ZNF584: variants seen among roughly 807,000 people sequenced by gnomAD.
The protein encoded by ZNF584 is zinc finger protein 584.
Under a neutral mutation model 14.7 loss-of-function variants are expected in ZNF584, and 12 were observed. The observed-to-expected ratio is 0.82, with a 90% CI of 0.52 to 1.32. ZNF584 has a LOEUF of 1.32. Ranked by LOEUF, ZNF584 falls within the 40% of genes most tolerant of loss-of-function variation. The pLI is 0.00. For synonymous variants in ZNF584, 204 were observed against 190.9 expected (o/e 1.07, Z -0.57); for missense variants, 478 against 518.8 (o/e 0.92, Z 0.76).
chr19:58,404,991 G>A (rs1402349179), upstream of ZNF584: 2 of 152,228 alleles, frequency 1.3e-5, no homozygotes, highest in Non-Finnish European at 2.9e-5. Flanking sequence ...GCCAGGCGGG[G>A]GGCTGACCCC....
chr19:58,405,947 C>T (rs77434564), upstream of ZNF584: 6 of 179,794 alleles, frequency 3.3e-5, no homozygotes, highest in African/African-American at 7.2e-5. Flanking sequence ...ACGGGGTGGC[C>T]GCCGGGCAGA....
upstream of ZNF584, among the ~76,000 whole-genome samples, chr19:58,404,007 G>C (rs1288339865): frequency 6.6e-6 from 1 of 150,622 alleles, no homozygotes; most frequent in African/African-American, 2.4e-5. Flanking sequence ...CAATGAAGTA[G>C]TGCCAGGAAA....
rs772783556 is a variant in ZNF584, at chr19:58,416,904, A to C, written c.386A>C (p.Lys129Thr). The stretch of plus-strand genomic sequence containing the variant: ...CACCAGGACACTCATAGTGAGGGGA[A>C]ACCAAGAAGGCACACTGAGCATGGG... ...IQHQDTHSEG[K>T]PRRHTEHGAA... is the part of the protein sequence containing the mutation. The change falls in exon 4 of 4, where the codon AAA becomes ACA. Residue 129 changes from lysine (K) to threonine (T), a missense_variant. This residue lies in a region of ZNF584 where 189 missense variants were observed against 177.9 expected (regional missense o/e 1.06). Transcript: ENST00000306910. 15 of 1,612,252 alleles carry C rather than the reference A, an allele frequency of 9.3e-6. No individual in the cohort carries two copies. The African/African-American group carries it at 1.9e-4, about 20-fold the overall frequency.
rs748054770 is a variant in ZNF584 at position 58,417,110 on chromosome 19, A to G, written c.592A>G (p.Lys198Glu). 1.9e-6 allele frequency: 3 copies of G among 1,613,900 alleles called. No homozygotes were observed. Among genetic ancestry groups the G allele is most frequent in the African/African-American group, 2.7e-5 (2 of 74,938 alleles). ...CCCAACAGGCAGAAGTGCTTTCAAG[A>G]AGTCAGCTCATATTAACCCCCGAAA... is the stretch of plus-strand genomic sequence containing the variant. ...RCPTGRSAFK[K>E]SAHINPRKIH... The change falls in exon 4 of 4, where the codon AAG becomes GAG. Residue 198 changes from lysine to glutamate, a missense_variant. Around this residue, in one of 3 missense-constraint regions of ZNF584, gnomAD observed 283 missense variants for 317.3 expected, o/e 0.89. Coordinates refer to ENST00000306910, the MANE Select transcript of ZNF584 (RefSeq NM_173548.3).
intron 2 of ZNF584, among the ~76,000 whole-genome samples, chr19:58,410,545 A>ATATATG (rs1555785537): frequency 6.5e-5 from 2 of 30,616 alleles, no homozygotes; most frequent in Non-Finnish European, 1.2e-4. Flanking sequence ...ATATATATAT[A>ATATATG]TATATATATA....
At chr19:58,403,638 A>C (rs77755501) in intron 1 of ZNF584, among the ~76,000 whole-genome samples, 4,862 of 152,282 alleles carry the variant, frequency 0.032, 106 homozygotes, top group Non-Finnish European at 0.051. Context: ...AACCCATATA[A>C]TGTACATTAA....
chr19:58,417,353 T>G lies in ZNF584; in HGVS notation c.835T>G (p.Phe279Val), dbSNP rs757154452. Residue 279 changes from phenylalanine (F) to valine (V), a missense_variant, in exon 4 of 4, where the codon TTC (phenylalanine) becomes GTC (valine). Transcript: ENST00000306910. ...CGAGTGCAGCAAATGTGGTAAAACC[T>G]TCAGTGTTCTGTCTACCCTCATTCG... ...PYECSKCGKT[F>V]SVLSTLIRHR... 1 of 1,614,108 alleles carries G rather than the reference T, an allele frequency of 6.2e-7. No individual in the cohort carries two copies. The highest frequency in any genetic ancestry group is 1.7e-5 in the Admixed American group (1 of 60,018).
chr19:58,414,729 G>A (rs1382832552), intron 2 of ZNF584, among the ~76,000 whole-genome samples: 1 of 152,130 alleles, frequency 6.6e-6, no homozygotes, highest in African/African-American at 2.4e-5. Flanking sequence ...TTGTTAGGTG[G>A]CAAGCTCTAT....
chr19:58,404,098 A>C (rs1194722997), upstream of ZNF584: 1 of 152,266 alleles, frequency 6.6e-6, no homozygotes, highest in African/African-American at 2.4e-5. Context: ...CTGGAATCAA[A>C]CTGTAGCACT....
At chr19:58,403,958 C>CAAAAAA (rs35295910), upstream of ZNF584, among the ~76,000 whole-genome samples, 2 of 80,044 alleles carry the variant, frequency 2.5e-5, no homozygotes, top group Admixed American at 1.4e-4. Flanking sequence ...AACTCCGTCT[C>CAAAAAA]AAAAAAAAAA....
Position 58,417,705 on chromosome 19 carries a change from C to T in ZNF584, c.1187C>T (p.Thr396Ile), listed in dbSNP as rs2052664164. Residue 396 changes from threonine to isoleucine, a missense_variant, in exon 4 of 4, where the codon ACC becomes ATC. Physicochemically the swap from Thr to Ile is moderately conservative, Grantham distance 89. Coordinates refer to ENST00000306910, the MANE Select transcript of ZNF584 (RefSeq NM_173548.3). ...GGGAAGGCCTTCAAACATAGTTCCA[C>T]CCTCCTTCAGCACAAGAAAGTCCAT... Reference protein sequence around the residue: ...ECGKAFKHSSTLLQHKKVHTP... With the variant: ...ECGKAFKHSSILLQHKKVHTP... The T allele has an allele frequency of 6.2e-7, 1 of 1,614,172 alleles. No homozygotes were observed. The highest frequency in any genetic ancestry group is 8.5e-7 in the Non-Finnish European group (1 of 1,180,012).
In ZNF584 at chr19:58,415,680, G is replaced by C. The variant is rs372287387; in HGVS notation, c.292+34G>C. On this transcript the variant is annotated intron_variant, in intron 3 of 3. Transcript: ENST00000306910. ...AGTGGAGGGGAATACCTTGGTTTCA[G>C]CAGTGGGCTCACAGAATGCTGAGTA... 2.5e-6 allele frequency: 4 copies of C among 1,608,850 alleles called. No individual in the cohort carries two copies. The African/African-American group carries it at 4.0e-5, about 16-fold the overall frequency.
chr19:58,417,781 C>A lies in ZNF584; in HGVS notation c.1263C>A (p.Cys421Ter). The change falls in exon 4 of 4, where the codon TGC becomes TGA. Residue 421 changes from cysteine (C) to a stop codon, truncating the protein, a stop_gained. Coordinates refer to ENST00000306910, the MANE Select transcript of ZNF584 (RefSeq NM_173548.3). LOFTEE classifies it high-confidence loss of function. ...GGGCACATGGGAAGGTCGTTAGCTG[C>A]TAGCACCGTGTTCATCAGGAAAGGT... ...EDRAHGKVVS[C>*] The A allele has an allele frequency of 6.3e-7, 1 of 1,598,590 alleles. No homozygotes were observed. Among genetic ancestry groups the A allele is most frequent in the South Asian group, 1.1e-5 (1 of 88,578 alleles).
chr19:58,407,382 C>T (rs1254388263), upstream of ZNF584: 1 of 152,256 alleles, frequency 6.6e-6, no homozygotes, highest in East Asian at 1.9e-4. Flanking sequence ...CACACGCACC[C>T]ATGTCAGTGC....
rs1000548299 is a variant in ZNF584, at chr19:58,414,293, T to G, written c.170-1231T>G. Among the ~76,000 whole-genome samples the G allele has an allele frequency of 2.2e-4, 33 of 152,202 alleles. 1 individual carries two copies. The highest frequency in any genetic ancestry group is 7.7e-4 in the African/African-American group (32 of 41,470). The stretch of plus-strand genomic sequence containing the variant: ...ATTCATTTGTGGACAGAGAACATAC[T>G]TGACATTATTTCAATCCTTTGAAAT... On this transcript the variant is annotated intron_variant, in intron 2 of 3. Coordinates refer to ENST00000306910, the MANE Select transcript of ZNF584 (RefSeq NM_173548.3).
chr19:58,402,804 A>C (rs998567447), intron 1 of ZNF584, among the ~76,000 whole-genome samples: 1 of 147,110 alleles, frequency 6.8e-6, no homozygotes, highest in South Asian at 2.2e-4. Flanking sequence ...AGCCTGGGCA[A>C]CAAGAGCGAA....
At chr19:58,414,029 G>A (rs897165428) in intron 2 of ZNF584, among the ~76,000 whole-genome samples, 4 of 151,146 alleles carry the variant, frequency 2.6e-5, no homozygotes, top group Non-Finnish European at 5.9e-5. Flanking sequence ...CACTGTGTTC[G>A]GCAGGATGGT....
rs1052897504 is a variant in ZNF584, at chr19:58,417,296, C to T, written c.778C>T (p.His260Tyr). Reference sequence around the variant, plus strand: ...CAACCGCAAAGACGCACTTGTTCTACACCAGAGGATTCACACTGGAGAAAG... The same window carrying T: ...CAACCGCAAAGACGCACTTGTTCTATACCAGAGGATTCACACTGGAGAAAG... ...TFNRKDALVL[H>Y]QRIHTGERPY... is the part of the protein sequence containing the mutation. Residue 260 changes from histidine (H) to tyrosine (Y), a missense_variant, in exon 4 of 4, where the codon CAC becomes TAC. His to Tyr is a moderately conservative substitution (Grantham distance 83, BLOSUM62 2). Coordinates refer to ENST00000306910, the MANE Select transcript of ZNF584 (RefSeq NM_173548.3). The T allele has an allele frequency of 6.2e-7, 1 of 1,614,218 alleles. No homozygotes were observed. The highest frequency in any genetic ancestry group is 8.5e-7 in the Non-Finnish European group (1 of 1,180,038).
rs1288268114 is a variant in ZNF584 at position 58,410,563 on chromosome 19, A to G, written c.169+472A>G. ...TATATATATATATATATATATGTGTATATATATATGTATATATATGTATAT... is the reference window on the plus strand; with the variant it reads ...TATATATATATATATATATATGTGTGTATATATATGTATATATATGTATAT... On this transcript the variant is annotated intron_variant, in intron 2 of 3. Transcript: ENST00000306910. Among the ~76,000 whole-genome samples the G allele has an allele frequency of 2.2e-3, 65 of 29,426 alleles. 8 individuals are homozygous for G. Among genetic ancestry groups the G allele is most frequent in the East Asian group, 7.1e-3 (11 of 1,550 alleles). 19.3% of individuals were successfully genotyped at this position (29,426 alleles called of 152,430 possible). A position where few individuals can be genotyped will look rare whatever the true frequency, so the allele number is the denominator to read the frequency against.
Sources: allele counts gnomAD v4.1 joint callset (sites outside exome capture counted in the v4.1 genomes callset), GRCh38; gene constraint gnomAD v4.1.1; regional missense constraint gnomAD v4.1.1; transcripts MANE v1.5; gene names NCBI Gene and HGNC (gene_info 2026-07-23, HGNC 2026-07-21).